KCNAB1: variants seen among roughly 807,000 people sequenced by gnomAD.
KCNAB1 encodes the protein voltage-gated potassium channel subunit beta-1.
In KCNAB1, 35 loss-of-function variants were observed where a neutral mutation model predicts 64.6. That is an observed-to-expected ratio of 0.54 (90% CI 0.41 to 0.72). The LOEUF (loss-of-function observed/expected upper bound fraction) is 0.72. Among genes scored for constraint, KCNAB1 ranks in the 30% least tolerant of loss-of-function variants. The pLI, the probability that KCNAB1 is intolerant of heterozygous loss-of-function variation, is 0.00. For missense variants in KCNAB1, 401 were observed against 512.9 expected, an observed-to-expected ratio of 0.78 and a Z score of 2.11; for synonymous variants, 177 against 183.8, an observed-to-expected ratio of 0.96 and a Z score of 0.30.
At chr3:156,528,036 C>T (rs1718445329) in intron 12 of KCNAB1, among the ~76,000 whole-genome samples, 1 of 152,164 alleles carries the variant, frequency 6.6e-6, no homozygotes, top group Admixed American at 6.5e-5. Context: ...CCTACAGGCC[C>T]ATTAGGGGAA....
intron 1 of KCNAB1, among the ~76,000 whole-genome samples, chr3:156,321,754 G>GT (rs11407834): frequency 0.17 from 26,231 of 152,012 alleles, 6,362 homozygotes; most frequent in African/African-American, 0.54. Flanking sequence ...TTTGTTTTTG[G>GT]TTTTTAATTT....
chr3:156,313,019 A>G (rs145356537), intron 1 of KCNAB1, among the ~76,000 whole-genome samples: 143 of 152,278 alleles, frequency 9.4e-4, no homozygotes, highest in East Asian at 7.5e-3. Context: ...CTCACCCAGT[A>G]TTGCAGACTG....
intron 1 of KCNAB1, among the ~76,000 whole-genome samples, chr3:156,357,151 A>ATG (rs995814056): frequency 4.9e-5 from 7 of 142,998 alleles, no homozygotes; most frequent in African/African-American, 2.0e-4. Flanking sequence ...ACAAACACAC[A>ATG]TGTGCGCGCA....
At chr3:156,139,008 A>G (rs1298659653) in intron 1 of KCNAB1, among the ~76,000 whole-genome samples, 3 of 152,212 alleles carry the variant, frequency 2.0e-5, no homozygotes, top group African/African-American at 7.2e-5. Flanking sequence ...ATTGCACAGT[A>G]CTTAAATATC....
Position 156,332,054 on chromosome 3 carries a change from A to G in KCNAB1, c.276-89562A>G, listed in dbSNP as rs1723373836. 3.3e-5 allele frequency among the ~76,000 whole-genome samples: 5 copies of G among 152,288 alleles called. No individual in the cohort carries two copies. In the South Asian group the frequency reaches 8.3e-4, roughly 25 times the overall value. On this transcript the variant is annotated intron_variant, in intron 1 of 13. Transcript: ENST00000490337. ...TTCCTTCAGTTCATCACATGTGAAT[A>G]TCTGCTATAACTTGATGCAATACTC... is the stretch of plus-strand genomic sequence containing the variant.
At chr3:156,158,179 AAAATAAAT>A (rs58622682) in intron 1 of KCNAB1, among the ~76,000 whole-genome samples, 1,616 of 60,624 alleles carry the variant, frequency 0.027, 59 homozygotes, top group African/African-American at 0.046. Context: ...AAAAAAATAA[AAAATAAAT>A]AAATAAATAA....
chr3:156,180,970 G>A (rs1295376445), intron 1 of KCNAB1, among the ~76,000 whole-genome samples: 1 of 152,170 alleles, frequency 6.6e-6, no homozygotes, highest in Admixed American at 6.5e-5. Context: ...CAAGGTATGG[G>A]CAGGGTAGGG....
chr3:156,205,459 A>G (rs777074600), intron 1 of KCNAB1, among the ~76,000 whole-genome samples: 3 of 152,240 alleles, frequency 2.0e-5, no homozygotes, highest in Non-Finnish European at 4.4e-5. Flanking sequence ...TAATAAATAT[A>G]AAAGTGAATT....
chr3:156,396,499 A>G (rs943920279), intron 1 of KCNAB1, among the ~76,000 whole-genome samples: 1 of 152,228 alleles, frequency 6.6e-6, no homozygotes, highest in Non-Finnish European at 1.5e-5. Flanking sequence ...GAGCTCAATC[A>G]TGACACATCA....
chr3:156,513,080 C>T (rs1208492846), intron 8 of KCNAB1, among the ~76,000 whole-genome samples: 3 of 152,078 alleles, frequency 2.0e-5, no homozygotes, highest in South Asian at 2.1e-4. Flanking sequence ...GGTGTGGTGG[C>T]GGGCACCTGT....
chr3:156,162,446 A>C (rs1462994709), intron 1 of KCNAB1, among the ~76,000 whole-genome samples: 1 of 152,164 alleles, frequency 6.6e-6, no homozygotes, highest in Non-Finnish European at 1.5e-5. Context: ...TCCATTAATT[A>C]GTTGCCACCA....
intron 2 of KCNAB1, among the ~76,000 whole-genome samples, chr3:156,429,242 G>GTGTGAACC (rs2108239343): frequency 6.6e-6 from 1 of 152,314 alleles, no homozygotes; most frequent in South Asian, 2.1e-4. Context: ...TGTGTGAACT[G>GTGTGAACC]ATATCTAGTG....
intron 2 of KCNAB1, among the ~76,000 whole-genome samples, chr3:156,432,914 C>G (rs1219794319): frequency 6.6e-6 from 1 of 152,152 alleles, no homozygotes; most frequent in Non-Finnish European, 1.5e-5. Flanking sequence ...ACAGCAGTCC[C>G]CCTCCTTTTC....
rs1254604579 is a variant in KCNAB1 at position 156,515,111 on chromosome 3, T to C, written c.756T>C (p.Ser252=). The C allele has an allele frequency of 1.2e-6, 2 of 1,607,504 alleles. No individual in the cohort carries two copies. The highest frequency in any genetic ancestry group is 1.7e-6 in the Non-Finnish European group (2 of 1,177,458). The change falls in exon 10 of 14, where the codon TCT becomes TCC. Residue 252 remains serine, a synonymous_variant. Coordinates refer to ENST00000490337, the MANE Select transcript of KCNAB1 (RefSeq NM_172160.3). ...TCATTCCTCCCTAGGAAGCCTATTC[T>C]GTAGCAAGACAGTTCAATATGATCC... ...WSAMEIMEAY[S]VARQFNMIPP...
chr3:156,266,588 G>T (rs1718728897), intron 1 of KCNAB1, among the ~76,000 whole-genome samples: 1 of 152,162 alleles, frequency 6.6e-6, no homozygotes, highest in Non-Finnish European at 1.5e-5. Flanking sequence ...ACTATAGAGA[G>T]GGTTAAAAAG....
At chr3:156,153,415 T>A (rs899485838) in intron 1 of KCNAB1, among the ~76,000 whole-genome samples, 1 of 152,230 alleles carries the variant, frequency 6.6e-6, no homozygotes, top group African/African-American at 2.4e-5. Flanking sequence ...TTGTTTAACC[T>A]TAATTTGCTC....
Position 156,254,366 on chromosome 3 carries a change from C to A in KCNAB1, c.275+133480C>A, listed in dbSNP as rs140157072. On this transcript the variant is annotated intron_variant, in intron 1 of 13. Coordinates refer to ENST00000490337, the MANE Select transcript of KCNAB1 (RefSeq NM_172160.3). ...ATGGGGCCATCCACTCTGTGCAGAT[C>A]CCTTGCCAAACACTCTGTCTCTCAC... 7.2e-3 allele frequency among the ~76,000 whole-genome samples: 1,094 copies of A among 152,264 alleles called. 15 individuals are homozygous for A. The highest frequency in any genetic ancestry group is 0.025 in the African/African-American group (1,045 of 41,538).
Position 156,424,814 on chromosome 3 carries a change from C to T in KCNAB1, c.319+3155C>T, listed in dbSNP as rs111329113. Among the ~76,000 whole-genome samples, 250 of 152,234 alleles carry T rather than the reference C, an allele frequency of 1.6e-3. 2 individuals are homozygous for T. The highest frequency in any genetic ancestry group is 5.8e-3 in the African/African-American group (240 of 41,528). On this transcript the variant is annotated intron_variant, in intron 2 of 13. Coordinates refer to ENST00000490337, the MANE Select transcript of KCNAB1 (RefSeq NM_172160.3). ...TATGAGGTGCAGGCATTTTAGTGAA[C>T]TTTGAAACAGGCTTGATTCAGGAGC... is the stretch of plus-strand genomic sequence containing the variant.
chr3:156,372,568 C>T (rs1225632170), intron 1 of KCNAB1, among the ~76,000 whole-genome samples: 3 of 152,204 alleles, frequency 2.0e-5, no homozygotes, highest in Non-Finnish European at 4.4e-5. Context: ...GGGTGCTACA[C>T]TTTGAGAACC....
Sources: gnomAD v4.1 joint callset for allele counts (sites outside exome capture counted in the v4.1 genomes callset) on GRCh38, gnomAD v4.1.1 for gene constraint, MANE v1.5 for transcripts, NCBI Gene and HGNC (gene_info 2026-07-23, HGNC 2026-07-21) for gene names.